UTP14C: variants seen among roughly 807,000 people sequenced by gnomAD.
UTP14C encodes the protein U3 small nucleolar RNA-associated protein 14 homolog C.
UTP14C carries 10 observed loss-of-function variants against 14.6 expected under a neutral mutation model. The ratio of observed to expected loss-of-function variants is 0.68; its 90% CI spans 0.42 to 1.16. The LOEUF (loss-of-function observed/expected upper bound fraction) is 1.16. Among genes scored for constraint, UTP14C ranks in the 50% most tolerant of loss-of-function variants. UTP14C has a pLI of 0.00. For missense variants in UTP14C, 818 were observed against 890.8 expected, an observed-to-expected ratio of 0.92 and a Z score of 1.04; for synonymous variants, 315 against 331.6, an observed-to-expected ratio of 0.95 and a Z score of 0.54.
In UTP14C at chr13:52,031,002, C is replaced by T. The variant is rs565521703; in HGVS notation, c.2198C>T (p.Ala733Val). The T allele has an allele frequency of 6.2e-7, 1 of 1,614,200 alleles. No homozygotes were observed. Among genetic ancestry groups the T allele is most frequent in the Admixed American group, 1.7e-5 (1 of 60,024 alleles). ...GGCCATATCATTAAGCCCATAAAAG[C>T]AGAGGATGTGGGCTACCAGTCTTCC... ...KPGHIIKPIKAEDVGYQSSSR... is the reference protein window; with the variant it reads ...KPGHIIKPIKVEDVGYQSSSR... Residue 733 changes from alanine (A) to valine (V), a missense_variant, in exon 2 of 2, where the codon GCA (alanine) becomes GTA (valine). Physicochemically the swap from Ala to Val is moderately conservative, Grantham distance 64. Transcript: ENST00000521776.
In UTP14C at chr13:52,029,360, G is replaced by A. The variant is rs767631702; in HGVS notation, c.556G>A (p.Glu186Lys). The A allele has an allele frequency of 6.8e-6, 11 of 1,613,958 alleles. No individual in the cohort carries two copies. In the African/African-American group the frequency reaches 1.2e-4, roughly 18 times the overall value. ...GWKARTPLEQ[E>K]IFNLLHKNKQ... is the part of the protein sequence containing the mutation. ...GAAGGCAAGAACTCCCCTGGAGCAG[G>A]AAATTTTTAACCTCCTCCATAAGAA... Residue 186 changes from glutamate to lysine, a missense_variant, in exon 2 of 2, where the codon GAA (glutamate) becomes AAA (lysine). Glu to Lys is a moderately conservative substitution (Grantham distance 56). Transcript: ENST00000521776.
chr13:52,028,869 C>T lies in UTP14C; in HGVS notation c.65C>T (p.Pro22Leu), dbSNP rs1318825286. The change falls in exon 2 of 2, where the codon CCA (proline) becomes CTA (leucine). Residue 22 changes from proline (P) to leucine (L), a missense_variant. Pro to Leu is a moderately conservative substitution (Grantham distance 98). Coordinates refer to ENST00000521776, the MANE Select transcript of UTP14C (RefSeq NM_021645.6). ...LSHQEELVDL[P>L]KNYPLSENED... ...CACCAGGAAGAACTAGTGGATTTGC[C>T]AAAAAACTACCCCTTGAGTGAAAAT... is the stretch of plus-strand genomic sequence containing the variant. The T allele has an allele frequency of 6.2e-7, 1 of 1,614,002 alleles. No homozygotes were observed. The highest frequency in any genetic ancestry group is 8.5e-7 in the Non-Finnish European group (1 of 1,180,038).
rs1487616470 is a variant in UTP14C at position 52,030,475 on chromosome 13, C to T, written c.1671C>T (p.Ile557=). Residue 557 remains isoleucine, a synonymous_variant, in exon 2 of 2, where the codon ATC becomes ATT. Coordinates refer to ENST00000521776, the MANE Select transcript of UTP14C (RefSeq NM_021645.6). ...PKEKKEKEQL[I]NLQNFLTTQS... Reference sequence around the variant, plus strand: ...AGAAGAAAGAGAAGGAGCAACTGATCAACCTACAGAACTTCCTGACCACAC... The same window carrying T: ...AGAAGAAAGAGAAGGAGCAACTGATTAACCTACAGAACTTCCTGACCACAC... 6.2e-7 allele frequency: 1 copy of T among 1,614,212 alleles called. No individual in the cohort carries two copies. Among genetic ancestry groups the T allele is most frequent in the Admixed American group, 1.7e-5 (1 of 60,028 alleles).
rs770435507 is a variant in UTP14C at position 52,030,172 on chromosome 13, CGAATT to C, written c.1371_1375del (p.Leu458GlyfsTer65). 6.1e-5 allele frequency: 98 copies of C among 1,614,026 alleles called. 1 individual carries two copies. In the South Asian group the frequency reaches 1.0e-3, roughly 17 times the overall value. On this transcript the variant is annotated frameshift_variant, in exon 2 of 2. Coordinates refer to ENST00000521776, the MANE Select transcript of UTP14C (RefSeq NM_021645.6). LOFTEE classifies it low-confidence loss of function (END_TRUNC). ...ATTCTAGCAGCCAGGAGGTGCTGTC[CGAATT>C]GAGGGCACTATCTCAGAAATTGAAG... is the stretch of plus-strand genomic sequence containing the variant.
rs115524395 is a variant in UTP14C at position 52,024,890 on chromosome 13, A to G, written c.-534A>G. 1.2e-6 allele frequency: 2 copies of G among 1,613,206 alleles called. No homozygotes were observed. The highest frequency in any genetic ancestry group is 2.2e-5 in the South Asian group (2 of 91,074). Reference sequence around the variant, plus strand: ...GATGAATTAAAGAATTATTTGTCTGAAGCAACAATTGGTCTGCATACCATG... The same window carrying G: ...GATGAATTAAAGAATTATTTGTCTGGAGCAACAATTGGTCTGCATACCATG... On this transcript the variant is annotated 5_prime_UTR_variant, in exon 1 of 2. Coordinates refer to ENST00000521776, the MANE Select transcript of UTP14C (RefSeq NM_021645.6).
rs1403005313 is a variant in UTP14C, at chr13:52,024,751, C to T, written c.-673C>T. ...GTCACCTCCTTCGCTTAAACTTGTC[C>T]TCATTGGAGGTTGTCGTAACAAAGA... On this transcript the variant is annotated 5_prime_UTR_variant, in exon 1 of 2. Coordinates refer to ENST00000521776, the MANE Select transcript of UTP14C (RefSeq NM_021645.6). 1 of 1,614,204 alleles carries T rather than the reference C, an allele frequency of 6.2e-7. No homozygotes were observed. The highest frequency in any genetic ancestry group is 1.1e-5 in the South Asian group (1 of 91,088).
chr13:52,030,456 AAG>A lies in UTP14C; in HGVS notation c.1656_1657del (p.Lys553GlyfsTer32). On this transcript the variant is annotated frameshift_variant, in exon 2 of 2. Transcript: ENST00000521776. LOFTEE classifies it high-confidence loss of function. Reference sequence around the variant, plus strand: ...CGGCCTGATGCCCCTAAGGAGAAGAAAGAGAAGGAGCAACTGATCAACCTACA... The same window carrying A: ...CGGCCTGATGCCCCTAAGGAGAAGAAAGAAGGAGCAACTGATCAACCTACA... 1 of 1,614,242 alleles carries A rather than the reference AAG, an allele frequency of 6.2e-7. No homozygotes were observed. The highest frequency in any genetic ancestry group is 8.5e-7 in the Non-Finnish European group (1 of 1,180,040).
chr13:52,024,731 C>T lies in UTP14C; in HGVS notation c.-693C>T. The stretch of plus-strand genomic sequence containing the variant: ...CTGAATAAGAAGATGGTTGAGTCAC[C>T]TCCTTCGCTTAAACTTGTCCTCATT... On this transcript the variant is annotated 5_prime_UTR_variant, in exon 1 of 2. Coordinates refer to ENST00000521776, the MANE Select transcript of UTP14C (RefSeq NM_021645.6). 6.2e-7 allele frequency: 1 copy of T among 1,614,212 alleles called. No homozygotes were observed. Among genetic ancestry groups the T allele is most frequent in the African/African-American group, 1.3e-5 (1 of 75,054 alleles).
chr13:52,028,639 C>G lies in UTP14C; in HGVS notation c.-166C>G. 6.4e-7 allele frequency: 1 copy of G among 1,572,002 alleles called. No homozygotes were observed. The highest frequency in any genetic ancestry group is 8.7e-7 in the Non-Finnish European group (1 of 1,147,528). On this transcript the variant is annotated 5_prime_UTR_variant, in exon 2 of 2. Coordinates refer to ENST00000521776, the MANE Select transcript of UTP14C (RefSeq NM_021645.6). ...TATTTTATATAAACTGGTTAAACAC[C>G]TTCATATGTAAATATTTTTCTAAAT...
In UTP14C at chr13:52,024,748, GTC is replaced by G. The variant is rs1954222705; in HGVS notation, c.-675_-674del. 2 of 1,614,210 alleles carry G rather than the reference GTC, an allele frequency of 1.2e-6. No individual in the cohort carries two copies. The highest frequency in any genetic ancestry group is 4.5e-5 in the East Asian group (2 of 44,882). ...TGAGTCACCTCCTTCGCTTAAACTTGTCCTCATTGGAGGTTGTCGTAACAAAG... is the reference window on the plus strand; with the variant it reads ...TGAGTCACCTCCTTCGCTTAAACTTGCTCATTGGAGGTTGTCGTAACAAAG... On this transcript the variant is annotated 5_prime_UTR_variant, in exon 1 of 2. It introduces an in-frame stop codon into an upstream open reading frame of the 5' UTR. Transcript: ENST00000521776.
At position 52,029,531 on chromosome 13, in the gene UTP14C, GAGA is replaced by G. The variant is rs754343029; in HGVS notation, c.732_734del (p.Lys245del). The stretch of plus-strand genomic sequence containing the variant: ...CTACTATGAGGCCAAGGCTCGAAAA[GAGA>G]AGAAAATCAAAAGTAAAAAGTATCA... On this transcript the variant is annotated inframe_deletion, in exon 2 of 2. Transcript: ENST00000521776. The G allele has an allele frequency of 3.7e-6, 6 of 1,614,116 alleles. No individual in the cohort carries two copies. The East Asian group carries it at 1.1e-4, about 30-fold the overall frequency.
intron 1 of UTP14C, among the ~76,000 whole-genome samples, chr13:52,027,731 A>G (rs1954255130): frequency 6.6e-6 from 1 of 152,256 alleles, no homozygotes. Context: ...CCAGGCAGTA[A>G]CATAAGCACG....
chr13:52,029,700 A>G lies in UTP14C; in HGVS notation c.896A>G (p.Gln299Arg). ...RMMERMSLKHQNSGKWAKSKA... is the reference protein window; with the variant it reads ...RMMERMSLKHRNSGKWAKSKA... Reference sequence around the variant, plus strand: ...ATGGAAAGAATGAGCCTTAAGCACCAAAACAGTGGGAAATGGGCCAAGTCA... The same window carrying G: ...ATGGAAAGAATGAGCCTTAAGCACCGAAACAGTGGGAAATGGGCCAAGTCA... Residue 299 changes from glutamine (Q) to arginine (R), a missense_variant, in exon 2 of 2, where the codon CAA becomes CGA. By Grantham distance (43) the Gln-to-Arg change is conservative (BLOSUM62 1). Coordinates refer to ENST00000521776, the MANE Select transcript of UTP14C (RefSeq NM_021645.6). 1 of 1,614,252 alleles carries G rather than the reference A, an allele frequency of 6.2e-7. No homozygotes were observed. The highest frequency in any genetic ancestry group is 8.5e-7 in the Non-Finnish European group (1 of 1,180,042).
In UTP14C at chr13:52,030,242, G is replaced by A. The variant is rs1954287186; in HGVS notation, c.1438G>A (p.Gly480Arg). ...CAGGAAGCAAAAAGCAAGTTCAGAG[G>A]GGACTGTTCCCCAGGTCCAGAGAGA... ...QSRKQKASSE[G>R]TVPQVQREEP... The change falls in exon 2 of 2, where the codon GGG becomes AGG. Residue 480 changes from glycine to arginine, a missense_variant. Physicochemically the swap from Gly to Arg is moderately radical, Grantham distance 125. Coordinates refer to ENST00000521776, the MANE Select transcript of UTP14C (RefSeq NM_021645.6). 1 of 1,614,076 alleles carries A rather than the reference G, an allele frequency of 6.2e-7. No individual in the cohort carries two copies. The highest frequency in any genetic ancestry group is 8.5e-7 in the Non-Finnish European group (1 of 1,180,036).
chr13:52,025,000 TAA>T, intron 1 of UTP14C, 63 bp downstream of exon 1: 1 of 1,502,090 alleles, frequency 6.7e-7, no homozygotes, highest in Non-Finnish European at 9.2e-7. Flanking sequence ...GTTCTTTTGA[TAA>T]AATGATAATA....
chr13:52,029,032 T>A lies in UTP14C; in HGVS notation c.228T>A (p.Ser76Arg). ...ASLKVSEFSV[S>R]SEGSGEKLGL... is the part of the protein sequence containing the mutation. ...TGAAAGTGTCAGAGTTCAGTGTCAG[T>A]TCTGAAGGATCAGGAGAAAAGCTGG... is the stretch of plus-strand genomic sequence containing the variant. Residue 76 changes from serine (S) to arginine (R), a missense_variant, in exon 2 of 2, where the codon AGT (serine) becomes AGA (arginine). By Grantham distance (110) the Ser-to-Arg change is moderately radical (BLOSUM62 -1). Transcript: ENST00000521776. The A allele has an allele frequency of 6.2e-7, 1 of 1,614,258 alleles. No individual in the cohort carries two copies. Among genetic ancestry groups the A allele is most frequent in the East Asian group, 2.2e-5 (1 of 44,892 alleles).
rs1183928795 is a variant in UTP14C, at chr13:52,029,870, G to C, written c.1066G>C (p.Val356Leu). Residue 356 changes from valine to leucine, a missense_variant, in exon 2 of 2, where the codon GTC becomes CTC. Coordinates refer to ENST00000521776, the MANE Select transcript of UTP14C (RefSeq NM_021645.6). ...AGGCACAGAAGTGGAAGAACTCCTTGTCCCTCATGTAGCGAATGAAGTGCA... is the reference window on the plus strand; with the variant it reads ...AGGCACAGAAGTGGAAGAACTCCTTCTCCCTCATGTAGCGAATGAAGTGCA... ...EGGTEVEELL[V>L]PHVANEVQMN... 2 of 1,614,106 alleles carry C rather than the reference G, an allele frequency of 1.2e-6. No individual in the cohort carries two copies. The highest frequency in any genetic ancestry group is 2.7e-5 in the African/African-American group (2 of 74,940).
intron 1 of UTP14C, 96 bp downstream of exon 1, chr13:52,025,033 C>A: frequency 1.5e-6 from 2 of 1,353,500 alleles, no homozygotes; most frequent in Non-Finnish European, 2.1e-6. Flanking sequence ...CTGCATCATG[C>A]CCTAATTCTC....
chr13:52,028,652 TA>T lies in UTP14C; in HGVS notation c.-152del. On this transcript the variant is annotated 5_prime_UTR_variant, in exon 2 of 2. Transcript: ENST00000521776. Reference sequence around the variant, plus strand: ...CTGGTTAAACACCTTCATATGTAAATATTTTTCTAAATTCAATCTCATTTGT... The same window carrying T: ...CTGGTTAAACACCTTCATATGTAAATTTTTTCTAAATTCAATCTCATTTGT... 6.4e-7 allele frequency: 1 copy of T among 1,565,010 alleles called. No individual in the cohort carries two copies. Among genetic ancestry groups the T allele is most frequent in the Non-Finnish European group, 8.7e-7 (1 of 1,143,988 alleles).
Sources: allele counts gnomAD v4.1 joint callset (sites outside exome capture counted in the v4.1 genomes callset), GRCh38; gene constraint gnomAD v4.1.1; transcripts MANE v1.5; gene names NCBI Gene and HGNC (gene_info 2026-07-23, HGNC 2026-07-21).